Variants in KSR2 observed in about 807,000 individuals in gnomAD.
KSR2 encodes kinase suppressor of ras 2.
Under a neutral mutation model 107.8 loss-of-function variants are expected in KSR2, and 25 were observed. That is an observed-to-expected ratio of 0.23 (90% CI 0.17 to 0.32). The LOEUF (loss-of-function observed/expected upper bound fraction) is 0.32, where lower values mean the gene tolerates loss of function less well. KSR2 is among the 10% of genes least tolerant of loss of function. The pLI is 1.00. For synonymous variants in KSR2, 480 were observed against 507.0 expected, an observed-to-expected ratio of 0.95 and a Z score of 0.71; for missense variants, 887 against 1,268.9, an observed-to-expected ratio of 0.70 and a Z score of 4.57.
chr12:117,901,308 C>CA (rs1894676621), intron 1 of KSR2, among the ~76,000 whole-genome samples: 1 of 144,406 alleles, frequency 6.9e-6, no homozygotes, highest in African/African-American at 2.5e-5. Context: ...TTCTTTTTTT[C>CA]TTTTTTTTTT....
At chr12:117,598,892 TG>T (rs1458503673) in intron 5 of KSR2, among the ~76,000 whole-genome samples, 4 of 151,988 alleles carry the variant, frequency 2.6e-5, no homozygotes, top group Non-Finnish European at 5.9e-5. Flanking sequence ...GGGTCTGCCC[TG>T]GTAATATCTG....
chr12:117,628,644 G>C (rs1882653846), intron 5 of KSR2, among the ~76,000 whole-genome samples: 1 of 152,192 alleles, frequency 6.6e-6, no homozygotes, highest in South Asian at 2.1e-4. Flanking sequence ...CTCCCAGTTA[G>C]GCTACACGGG....
At chr12:117,494,182 G>A (rs767029610) in intron 14 of KSR2, among the ~76,000 whole-genome samples, 6 of 152,094 alleles carry the variant, frequency 3.9e-5, no homozygotes, top group Non-Finnish European at 8.8e-5. Context: ...CCCCATCATG[G>A]AGTGACAACC....
At chr12:117,808,019 T>A (rs1477004768) in intron 3 of KSR2, among the ~76,000 whole-genome samples, 1 of 152,254 alleles carries the variant, frequency 6.6e-6, no homozygotes, top group Non-Finnish European at 1.5e-5. Flanking sequence ...ATAATTATGT[T>A]GAACTTTCAT....
chr12:117,948,247 G>A (rs1896257828), intron 1 of KSR2, among the ~76,000 whole-genome samples: 1 of 151,838 alleles, frequency 6.6e-6, no homozygotes, highest in South Asian at 2.1e-4. Flanking sequence ...TCAGGAGTTC[G>A]AGACCAGCTG....
intron 3 of KSR2, among the ~76,000 whole-genome samples, chr12:117,769,224 G>GT (rs1054413547): frequency 1.5e-4 from 22 of 149,316 alleles, no homozygotes; most frequent in Middle Eastern, 3.5e-3. Flanking sequence ...ATCTTAGTGG[G>GT]TTTTTTTTTT....
At chr12:117,667,435 T>C (rs1182772264) in intron 5 of KSR2, 39 bp downstream of exon 5, 2 of 1,579,018 alleles carry the variant, frequency 1.3e-6, no homozygotes, top group Admixed American at 3.6e-5. Flanking sequence ...GGAGGTGGCA[T>C]GGCAAGCGTT....
At chr12:117,654,778 C>T (rs1266124756) in intron 5 of KSR2, among the ~76,000 whole-genome samples, 1 of 152,198 alleles carries the variant, frequency 6.6e-6, no homozygotes, top group Non-Finnish European at 1.5e-5. Context: ...CATGTGAGTG[C>T]TCACCAACGG....
In KSR2 at chr12:117,968,807, G is replaced by C. The variant is rs921377071; in HGVS notation, c.-552C>G. On this transcript the variant is annotated 5_prime_UTR_variant, in exon 1 of 20. Coordinates refer to ENST00000339824, the MANE Select transcript of KSR2 (RefSeq NM_173598.6). ...GACACGGCATGGTCCACGGTTTGGA[G>C]TGCTTTAGCGCGTTCTCAAGGTGCT... 6.2e-6 allele frequency: 1 copy of C among 161,234 alleles called. No homozygotes were observed. Among genetic ancestry groups the C allele is most frequent in the African/African-American group, 2.4e-5 (1 of 41,486 alleles). 10.0% of individuals were successfully genotyped at this position (161,234 alleles called of 1,614,324 possible).
At chr12:117,582,619 G>A (rs375833142) in intron 5 of KSR2, among the ~76,000 whole-genome samples, 218 of 152,318 alleles carry the variant, frequency 1.4e-3, no homozygotes, top group African/African-American at 5.0e-3. Flanking sequence ...TTCCATTTAC[G>A]GAGTGCTTGG....
chr12:117,684,750 G>A (rs1041096627), intron 4 of KSR2, among the ~76,000 whole-genome samples: 1 of 152,146 alleles, frequency 6.6e-6, no homozygotes, highest in African/African-American at 2.4e-5. Flanking sequence ...ATTTGGGGTT[G>A]GAGCAATTAT....
At chr12:117,832,898 T>C (rs1892032341) in intron 3 of KSR2, among the ~76,000 whole-genome samples, 1 of 152,234 alleles carries the variant, frequency 6.6e-6, no homozygotes, top group Non-Finnish European at 1.5e-5. Context: ...GTCTGAACTC[T>C]TGAAGTCCAC....
chr12:117,740,654 G>GTAATATATAATATATATAATATATA lies in KSR2; in HGVS notation c.986+20332_986+20356dup, dbSNP rs1565990397. On this transcript the variant is annotated intron_variant, in intron 4 of 19. Transcript: ENST00000339824. ...TGTAATATATACATATATTATATAT[G>GTAATATATAATATATATAATATATA]TAATATATAATATATATAATATATA... 7.2e-4 allele frequency among the ~76,000 whole-genome samples: 99 copies of GTAATATATAATATATATAATATATA among 138,328 alleles called. No homozygotes were observed. In the Middle Eastern group the frequency reaches 0.011, roughly 16 times the overall value. The allele number at this position is 138,328 out of a possible 152,430, so 90.7% of individuals were successfully genotyped here.
At position 117,615,315 on chromosome 12, in the gene KSR2, C is replaced by G. The variant is rs552858835; in HGVS notation, c.1172-32956G>C. The stretch of plus-strand genomic sequence containing the variant: ...GTGCTTTAAAGATGTTGGGGAAGCT[C>G]AGGCACAGGAGTTAAATCTTGCCCA... On this transcript the variant is annotated intron_variant, in intron 5 of 19. Coordinates refer to ENST00000339824, the MANE Select transcript of KSR2 (RefSeq NM_173598.6). Among the ~76,000 whole-genome samples the G allele has an allele frequency of 1.5e-3, 223 of 152,102 alleles. 1 individual carries two copies. Among genetic ancestry groups the G allele is most frequent in the African/African-American group, 5.1e-3 (213 of 41,502 alleles).
chr12:117,639,880 G>A (rs75370018), intron 5 of KSR2, among the ~76,000 whole-genome samples: 1,944 of 152,038 alleles, frequency 0.013, 45 homozygotes, highest in African/African-American at 0.045. Flanking sequence ...GGGCTGCTAG[G>A]AACCTTCTCC....
At chr12:117,519,763 G>A (rs913120644) in intron 14 of KSR2, among the ~76,000 whole-genome samples, 2 of 151,166 alleles carry the variant, frequency 1.3e-5, no homozygotes, top group Admixed American at 6.6e-5. Context: ...ATATAGAAGA[G>A]GAGCGAGTGT....
At position 117,453,559 on chromosome 12, in the gene KSR2, C is replaced by T. The variant is rs1870440977; in HGVS notation, c.*13640G>A. The T allele has an allele frequency of 6.6e-6, 1 of 151,872 alleles. No individual in the cohort carries two copies. Among genetic ancestry groups the T allele is most frequent in the South Asian group, 2.1e-4 (1 of 4,812 alleles). The allele number at this position is 151,872 out of a possible 1,614,324, so 9.4% of individuals were successfully genotyped here. ...TGTATAATATTTATAGGTCTATATA[C>T]TTTGTGTATAGAAAAAGATAACAGC... On this transcript the variant is annotated 3_prime_UTR_variant, in exon 20 of 20. Coordinates refer to ENST00000339824, the MANE Select transcript of KSR2 (RefSeq NM_173598.6).
intron 3 of KSR2, among the ~76,000 whole-genome samples, chr12:117,805,850 T>G (rs1454003477): frequency 2.6e-5 from 4 of 151,834 alleles, no homozygotes; most frequent in African/African-American, 9.7e-5. Flanking sequence ...GGTGTGGGGG[T>G]GTGTGCCTGT....
intron 3 of KSR2, among the ~76,000 whole-genome samples, chr12:117,834,724 A>G (rs1039273074): frequency 5.9e-5 from 9 of 152,186 alleles, no homozygotes; most frequent in Non-Finnish European, 4.4e-5. Flanking sequence ...TACTAATAGT[A>G]ATATATGATA....
Sources: gnomAD v4.1 joint callset for allele counts (sites outside exome capture counted in the v4.1 genomes callset) on GRCh38, gnomAD v4.1.1 for gene constraint, MANE v1.5 for transcripts, NCBI Gene and HGNC (gene_info 2026-07-23, HGNC 2026-07-21) for gene names.